COL5A3: variants seen among roughly 807,000 people sequenced by gnomAD.
COL5A3 encodes the protein collagen type V alpha 3 chain.
In COL5A3, 172 loss-of-function variants were observed where a neutral mutation model predicts 250.0. The ratio of observed to expected loss-of-function variants is 0.69; its 90% CI spans 0.61 to 0.78. COL5A3 has a LOEUF of 0.78. Among genes scored for constraint, COL5A3 ranks in the 30% least tolerant of loss-of-function variants. The pLI is 0.00. For missense variants in COL5A3, 2,340 were observed against 2,334.4 expected (o/e 1.00, Z -0.05); for synonymous variants, 937 against 900.4 (o/e 1.04, Z -0.73).
chr19:9,963,561 T>TTGGGGGG (rs1555733032), intron 64 of COL5A3, among the ~76,000 whole-genome samples: 1 of 40,120 alleles, frequency 2.5e-5, no homozygotes. Context: ...CTGTTTTTTT[T>TTGGGGGG]GGGGGGGGGG....
At position 9,960,379 on chromosome 19, in the gene COL5A3, C is replaced by CTCCCT; in HGVS notation, c.*27_*31dup. The CTCCCT allele has an allele frequency of 6.2e-7, 1 of 1,612,960 alleles. No homozygotes were observed. The highest frequency in any genetic ancestry group is 8.5e-7 in the Non-Finnish European group (1 of 1,179,424). On this transcript the variant is annotated 3_prime_UTR_variant, in exon 67 of 67. Coordinates refer to ENST00000264828, the MANE Select transcript of COL5A3 (RefSeq NM_015719.4). The stretch of plus-strand genomic sequence containing the variant: ...GCACCAAATGCACCCCATTCTGGGG[C>CTCCCT]TCCCTCATGGTCCCTCCCACCCCGG...
intron 37 of COL5A3, among the ~76,000 whole-genome samples, 160 bp downstream of exon 37, chr19:9,979,679 G>T (rs757702794): frequency 3.3e-5 from 5 of 152,128 alleles, no homozygotes; most frequent in South Asian, 2.1e-4. Context: ...AGTGCCACTC[G>T]GGAGGCTGAG....
Position 9,988,855 on chromosome 19 carries a change from A to AAAAGAGAGAGAAAG in COL5A3, c.2145+268_2145+269insCTTTCTCTCTCTTT, listed in dbSNP as rs1555738985. 5.9e-3 allele frequency among the ~76,000 whole-genome samples: 618 copies of AAAAGAGAGAGAAAG among 104,386 alleles called. 9 individuals carry two copies. The highest frequency in any genetic ancestry group is 0.011 in the Middle Eastern group (2 of 190). The allele number at this position is 104,386 out of a possible 152,430, so 68.5% of individuals were successfully genotyped here. A position where few individuals can be genotyped will look rare whatever the true frequency, so the allele number is the denominator to read the frequency against. On this transcript the variant is annotated intron_variant, in intron 27 of 66. Transcript: ENST00000264828. Reference sequence around the variant, plus strand: ...TCTCAAAAAAAAAAAAAAAAAAAAAAAAAGAAAGTAAAGAAAAGAAAAGGA... The same window carrying AAAAGAGAGAGAAAG: ...TCTCAAAAAAAAAAAAAAAAAAAAAAAAAGAGAGAGAAAGAAAGAAAGTAAAGAAAAGAAAAGGA...
At chr19:9,979,803 A>AT in intron 37 of COL5A3, 36 bp downstream of exon 37, 2 of 1,567,412 alleles carry the variant, frequency 1.3e-6, no homozygotes, top group South Asian at 1.2e-5. Context: ...AAAAAAAAAA[A>AT]AAGGATCAGG....
rs1249736414 is a variant in COL5A3 at position 9,986,317 on chromosome 19, T to C, written c.2350A>G (p.Lys784Glu). 5.8e-6 allele frequency: 9 copies of C among 1,555,358 alleles called. No individual in the cohort carries two copies. Among genetic ancestry groups the C allele is most frequent in the Non-Finnish European group, 6.9e-6 (8 of 1,157,982 alleles). Reference protein sequence around the residue: ...EEGPPGSAGEKGKLGVPGLPG... With the variant: ...EEGPPGSAGEEGKLGVPGLPG... ...CTAGAGGGTGGAGAGTCATTTACCT[T>C]CTCCCCAGCTGAGCCTGGGGGCCCC... Residue 784 changes from lysine (K) to glutamate (E), a missense_variant and splice_region_variant, in exon 30 of 67, where the codon AAG becomes GAG. Physicochemically the swap from Lys to Glu is moderately conservative, Grantham distance 56. This residue lies in a region of COL5A3 where 1,152 missense variants were observed against 1,146.3 expected (regional missense o/e 1.00). Coordinates refer to ENST00000264828, the MANE Select transcript of COL5A3 (RefSeq NM_015719.4).
At position 9,993,690 on chromosome 19, in the gene COL5A3, T is replaced by G. The variant is rs1326639029; in HGVS notation, c.1642-18A>C. The G allele has an allele frequency of 1.2e-6, 2 of 1,613,942 alleles. No individual in the cohort carries two copies. Among genetic ancestry groups the G allele is most frequent in the African/African-American group, 2.7e-5 (2 of 74,864 alleles). ...CGATCACCCTGTCCAGAGACACCAG[T>G]GAGCCTTGACCCCATAAGCCTGACA... On this transcript the variant is annotated intron_variant, in intron 17 of 66. Transcript: ENST00000264828.
At chr19:10,007,487 G>C (rs1020212326) in intron 1 of COL5A3, among the ~76,000 whole-genome samples, 3 of 152,252 alleles carry the variant, frequency 2.0e-5, no homozygotes, top group African/African-American at 7.2e-5. Flanking sequence ...AGCCCAGCCA[G>C]TGCTAAGTGG....
chr19:10,004,873 A>T (rs1017917636), intron 4 of COL5A3, among the ~76,000 whole-genome samples: 2 of 152,190 alleles, frequency 1.3e-5, no homozygotes, highest in Non-Finnish European at 2.9e-5. Flanking sequence ...CACAGCAACC[A>T]GCACCATCTC....
intron 49 of COL5A3, 66 bp from the exon 50 acceptor site, chr19:9,973,689 A>G: frequency 1.2e-6 from 2 of 1,611,432 alleles, no homozygotes; most frequent in Non-Finnish European, 1.7e-6. Flanking sequence ...GCTCCCCAGA[A>G]TGTCCCTGCC....
Position 9,995,591 on chromosome 19 carries a change from A to C in COL5A3, c.1560T>G (p.His520Gln). 1 of 1,608,098 alleles carries C rather than the reference A, an allele frequency of 6.2e-7. No individual in the cohort carries two copies. ...PQGPRGLQGP[H>Q]GPPGRVGKMG... ...TCTTGCCCACTCGGCCAGGGGGTCC[A>C]TGAGGTCCCTGCAGGCCTCGGGGAC... Residue 520 changes from histidine (H) to glutamine (Q), a missense_variant, in exon 16 of 67, where the codon CAT (histidine) becomes CAG (glutamine). His to Gln is a conservative substitution (Grantham distance 24). This residue lies in a region of COL5A3 where 1,152 missense variants were observed against 1,146.3 expected (regional missense o/e 1.00). Coordinates refer to ENST00000264828, the MANE Select transcript of COL5A3 (RefSeq NM_015719.4).
At chr19:10,005,039 A>G (rs906607145) in intron 4 of COL5A3, among the ~76,000 whole-genome samples, 4 of 151,858 alleles carry the variant, frequency 2.6e-5, no homozygotes, top group Non-Finnish European at 5.9e-5. Context: ...TCTTCCCACA[A>G]CAAGCCAAGT....
intron 18 of COL5A3, 45 bp from the exon 19 acceptor site, chr19:9,993,478 G>A (rs2277964): frequency 1.8e-5 from 29 of 1,605,842 alleles, no homozygotes; most frequent in Non-Finnish European, 1.6e-5. Context: ...GGGTGTGGGC[G>A]GAGAGACCAG....
Position 9,982,071 on chromosome 19 carries a change from C to A in COL5A3, c.2454G>T (p.Gly818=). Residue 818 remains glycine, a synonymous_variant, in exon 32 of 67, where the codon GGG becomes GGT. Coordinates refer to ENST00000264828, the MANE Select transcript of COL5A3 (RefSeq NM_015719.4). ...PGPLGPIGEK[G]KSGKTGQPGL... ...ACCCCCGGTCATGACTCACCGACTT[C>A]CCTTTCTCTCCTATGGGTCCCAGGG... The A allele has an allele frequency of 6.2e-7, 1 of 1,610,796 alleles. No homozygotes were observed.
chr19:9,964,155 A>G (rs1300907494), intron 64 of COL5A3, among the ~76,000 whole-genome samples: 1 of 152,196 alleles, frequency 6.6e-6, no homozygotes, highest in African/African-American at 2.4e-5. Context: ...CCTGGGCAAC[A>G]GAGTGAGACT....
At chr19:9,965,103 G>GAATTGCACA (rs2086721833) in intron 64 of COL5A3, among the ~76,000 whole-genome samples, 1 of 150,680 alleles carries the variant, frequency 6.6e-6, no homozygotes, top group African/African-American at 2.4e-5. Context: ...ATCAGTATCT[G>GAATTGCACA]AATTGCACAG....
At chr19:9,988,855 A>AAAAAAAAAAAAAAAAAGAGAGAGAGAAAG (rs1269531312) in intron 27 of COL5A3, among the ~76,000 whole-genome samples, 4 of 104,760 alleles carry the variant, frequency 3.8e-5, no homozygotes, top group South Asian at 5.9e-4. Flanking sequence ...AAAAAAAAAA[A>AAAAAAAAAAAAAAAAAGAGAGAGAGAAAG]AAAGAAAGTA....
Position 9,997,373 on chromosome 19 carries a change from G to A in COL5A3, c.1261C>T (p.Pro421Ser). 1 of 1,608,430 alleles carries A rather than the reference G, an allele frequency of 6.2e-7. No homozygotes were observed. Among genetic ancestry groups the A allele is most frequent in the Non-Finnish European group, 8.5e-7 (1 of 1,177,366 alleles). ...PPGFPGDPGP[P>S]GPAGLPGIPG... ...ACACCCCAGTGGGAGTCTCTTACCG[G>A]TGGACCAGGGTCGCCAGGGAATCCT... is the stretch of plus-strand genomic sequence containing the variant. Residue 421 changes from proline to serine, a missense_variant and splice_region_variant, in exon 11 of 67, where the codon CCG becomes TCG. Transcript: ENST00000264828.
intron 36 of COL5A3, 35 bp downstream of exon 36, chr19:9,979,959 C>T (rs1444684959): frequency 2.5e-6 from 4 of 1,575,610 alleles, no homozygotes; most frequent in Non-Finnish European, 3.4e-6. Flanking sequence ...ACATCCTCCA[C>T]CCACCCAACC....
intron 4 of COL5A3, 72 bp from the exon 5 acceptor site, chr19:10,004,217 C>A: frequency 9.0e-7 from 1 of 1,115,810 alleles, no homozygotes. Context: ...CCCCTAACCC[C>A]CAGCAGTCCT....
Sources: allele counts gnomAD v4.1 joint callset (sites outside exome capture counted in the v4.1 genomes callset), GRCh38; gene constraint gnomAD v4.1.1; regional missense constraint gnomAD v4.1.1; transcripts MANE v1.5; gene names NCBI Gene and HGNC (gene_info 2026-07-23, HGNC 2026-07-21).